The following GRM7 variants were observed in gnomAD, a reference collection of about 807,000 sequenced individuals.
GRM7 encodes glutamate metabotropic receptor 7, also known as metabotropic glutamate receptor 7.
GRM7 carries 35 observed loss-of-function variants against 84.5 expected under a neutral mutation model. That is an observed-to-expected ratio of 0.41 (90% CI 0.32 to 0.55). The LOEUF (loss-of-function observed/expected upper bound fraction) is 0.55, where lower values mean the gene tolerates loss of function less well. Ranked by LOEUF, GRM7 falls within the 20% of genes least tolerant of loss-of-function variation. GRM7 has a pLI of 0.19. For missense variants in GRM7, 1,003 were observed against 1,194.6 expected, an observed-to-expected ratio of 0.84 and a Z score of 2.36; for synonymous variants, 487 against 455.1, an observed-to-expected ratio of 1.07 and a Z score of -0.89.
chr3:7,099,297 T>C (rs1408579956), intron 1 of GRM7, among the ~76,000 whole-genome samples: 3 of 147,198 alleles, frequency 2.0e-5, no homozygotes, highest in South Asian at 2.1e-4. Flanking sequence ...TACATGTATA[T>C]ATGTACACAT....
chr3:6,943,778 A>C (rs544037819), intron 1 of GRM7, among the ~76,000 whole-genome samples: 27 of 152,148 alleles, frequency 1.8e-4, no homozygotes, highest in Admixed American at 1.8e-3. Context: ...ATTTGAGCAA[A>C]ATTGTCTTCT....
intron 1 of GRM7, among the ~76,000 whole-genome samples, chr3:6,872,242 C>T (rs555004164): frequency 6.6e-6 from 1 of 152,266 alleles, no homozygotes; most frequent in East Asian, 1.9e-4. Flanking sequence ...TCATTGCACC[C>T]TGTTTCATTG....
chr3:7,277,600 G>A (rs983395594), intron 2 of GRM7, among the ~76,000 whole-genome samples: 6 of 152,084 alleles, frequency 3.9e-5, no homozygotes, highest in African/African-American at 1.4e-4. Flanking sequence ...ATCCTTAAGA[G>A]CAAAGACCAT....
At chr3:7,272,107 T>G (rs1451301182) in intron 2 of GRM7, among the ~76,000 whole-genome samples, 1 of 152,208 alleles carries the variant, frequency 6.6e-6, no homozygotes, top group African/African-American at 2.4e-5. Flanking sequence ...TTCATCTTAC[T>G]TCTCAGTTGC....
At chr3:7,369,033 T>C (rs1280252750) in intron 4 of GRM7, among the ~76,000 whole-genome samples, 1 of 152,060 alleles carries the variant, frequency 6.6e-6, no homozygotes, top group African/African-American at 2.4e-5. Context: ...TCTCCCTTTC[T>C]ATGGCACATC....
intron 2 of GRM7, among the ~76,000 whole-genome samples, chr3:7,298,315 T>C (rs997875226): frequency 6.6e-6 from 1 of 152,196 alleles, no homozygotes; most frequent in Non-Finnish European, 1.5e-5. Context: ...AGTTTCTTTA[T>C]TGTGGTTTAC....
intron 4 of GRM7, among the ~76,000 whole-genome samples, chr3:7,349,548 AGGGCAACATCCCT>A (rs1693040549): frequency 6.6e-6 from 1 of 152,176 alleles, no homozygotes. Flanking sequence ...AAGTAGATAA[AGGGCAACATCCCT>A]GGGTGTCCTA....
chr3:6,936,110 A>C (rs1697684049), intron 1 of GRM7, among the ~76,000 whole-genome samples: 2 of 152,106 alleles, frequency 1.3e-5, no homozygotes, highest in South Asian at 2.1e-4. Flanking sequence ...CAGCTCTGCA[A>C]CACCTGTGAT....
At chr3:7,069,919 CT>C (rs1254764870) in intron 1 of GRM7, among the ~76,000 whole-genome samples, 1 of 152,088 alleles carries the variant, frequency 6.6e-6, no homozygotes, top group African/African-American at 2.4e-5. Context: ...AAATGATTCA[CT>C]TTCCATAGAG....
chr3:6,993,416 T>A (rs1415373370), intron 1 of GRM7, among the ~76,000 whole-genome samples: 1 of 152,120 alleles, frequency 6.6e-6, no homozygotes, highest in African/African-American at 2.4e-5. Flanking sequence ...CCCAGAGGTG[T>A]AGACAGACTG....
At chr3:7,015,699 T>C (rs1481582399) in intron 1 of GRM7, among the ~76,000 whole-genome samples, 2 of 152,144 alleles carry the variant, frequency 1.3e-5, no homozygotes, top group Non-Finnish European at 2.9e-5. Context: ...CATTCCTCCT[T>C]CATGTGGCTA....
intron 4 of GRM7, among the ~76,000 whole-genome samples, chr3:7,319,237 G>A (rs554770534): frequency 6.6e-6 from 1 of 152,096 alleles, no homozygotes; most frequent in Non-Finnish European, 1.5e-5. Context: ...GATAGAGGGT[G>A]CATTAGCTGA....
chr3:7,604,444 C>A (rs948071348), intron 8 of GRM7, among the ~76,000 whole-genome samples: 5 of 152,156 alleles, frequency 3.3e-5, no homozygotes, highest in African/African-American at 1.2e-4. Flanking sequence ...CAGGTTTCCC[C>A]TGCATTATCT....
chr3:7,185,115 G>A (rs1035385864), intron 2 of GRM7, among the ~76,000 whole-genome samples: 5 of 152,122 alleles, frequency 3.3e-5, no homozygotes, highest in African/African-American at 1.2e-4. Flanking sequence ...AAGTGCAAAA[G>A]CCAGTATTTA....
intron 2 of GRM7, among the ~76,000 whole-genome samples, chr3:7,252,666 T>TTTTTCTTTTCTTTTCTTTTC (rs796901496): frequency 1.4e-5 from 2 of 142,888 alleles, no homozygotes; most frequent in African/African-American, 5.2e-5. Flanking sequence ...CTTTTCTATT[T>TTTTTCTTTTCTTTTCTTTTC]TTTTCTTTTC....
chr3:7,525,162 G>T (rs996552616), intron 7 of GRM7, among the ~76,000 whole-genome samples: 27 of 151,662 alleles, frequency 1.8e-4, no homozygotes, highest in Admixed American at 1.3e-4. Context: ...TATACCTAAT[G>T]CTAAATGACG....
At chr3:7,694,297 T>G in intron 9 of GRM7, 1 of 204,480 alleles carries the variant, frequency 4.9e-6, no homozygotes, top group Non-Finnish European at 8.6e-6. Flanking sequence ...CGTTCAAATG[T>G]TAACCATCAG....
intron 1 of GRM7, among the ~76,000 whole-genome samples, chr3:7,027,443 C>G (rs80152733): frequency 6.6e-6 from 1 of 152,158 alleles, no homozygotes; most frequent in African/African-American, 2.4e-5. Flanking sequence ...AGTTTGCTAA[C>G]GATCACATTG....
chr3:7,147,928 C>T (rs1027520794), intron 2 of GRM7, among the ~76,000 whole-genome samples: 1 of 152,118 alleles, frequency 6.6e-6, no homozygotes, highest in Non-Finnish European at 1.5e-5. Context: ...GTGTCTTCTC[C>T]CACAGCGCCT....
Sources: allele counts gnomAD v4.1 joint callset (sites outside exome capture counted in the v4.1 genomes callset), GRCh38; gene constraint gnomAD v4.1.1; transcripts MANE v1.5; gene names NCBI Gene and HGNC (gene_info 2026-07-23, HGNC 2026-07-21).